The following DCHS2 variants were observed in gnomAD, a reference collection of about 807,000 sequenced individuals.
The protein encoded by DCHS2 is dachsous cadherin-related 2.
A neutral mutation model predicts 182.4 loss-of-function variants in DCHS2; 142 were observed. The observed-to-expected ratio is 0.78, with a 90% CI of 0.68 to 0.89. The LOEUF is 0.89. Among genes scored for constraint, DCHS2 ranks in the 40% least tolerant of loss-of-function variants. The probability of loss-of-function intolerance (pLI) is 0.00; values close to 1 mark genes in which losing one functional copy is unlikely to be tolerated. For synonymous variants in DCHS2, 1,740 were observed against 1,663.3 expected, an observed-to-expected ratio of 1.05 and a Z score of -1.12; for missense variants, 4,319 against 4,198.6, an observed-to-expected ratio of 1.03 and a Z score of -0.79.
intron 1 of DCHS2, among the ~76,000 whole-genome samples, chr4:154,406,591 C>G (rs975538660): frequency 4.6e-5 from 7 of 152,192 alleles, no homozygotes; most frequent in African/African-American, 1.7e-4. Flanking sequence ...AAATCAACCC[C>G]ACCCAAGAAT....
intron 1 of DCHS2, among the ~76,000 whole-genome samples, chr4:154,421,487 G>A (rs766967867): frequency 7.2e-5 from 11 of 151,978 alleles, no homozygotes; most frequent in South Asian, 2.1e-4. Context: ...CTCTGCCTCC[G>A]TGGTTTAAGC....
intron 1 of DCHS2, among the ~76,000 whole-genome samples, chr4:154,388,668 T>TG (rs1731530379): frequency 6.6e-6 from 1 of 151,812 alleles, no homozygotes; most frequent in South Asian, 2.1e-4. Flanking sequence ...CTAATTTTTT[T>TG]TATTTTTAGT....
chr4:154,321,270 G>C, intron 8 of DCHS2, 48 bp from the exon 9 acceptor site: 1 of 1,421,708 alleles, frequency 7.0e-7, no homozygotes, highest in Non-Finnish European at 9.2e-7. Context: ...TTTTAAAACA[G>C]TTTAATGAAT....
chr4:154,268,316 G>A (rs897908563), intron 14 of DCHS2, among the ~76,000 whole-genome samples: 2 of 151,670 alleles, frequency 1.3e-5, no homozygotes, highest in East Asian at 1.9e-4. Flanking sequence ...CGTGCTTTGG[G>A]GCCATTATTA....
intron 12 of DCHS2, 147 bp from the exon 13 acceptor site, chr4:154,298,855 G>T (rs1272736344): frequency 5.0e-6 from 6 of 1,204,778 alleles, no homozygotes; most frequent in African/African-American, 4.6e-5. Flanking sequence ...AAATATTGGG[G>T]ATATAACAGT....
intron 13 of DCHS2, among the ~76,000 whole-genome samples, chr4:154,293,686 A>T (rs1024714880): frequency 1.1e-4 from 16 of 152,036 alleles, no homozygotes; most frequent in African/African-American, 3.9e-4. Context: ...CTCCTAACTC[A>T]TTTCTCTCCT....
intron 6 of DCHS2, 26 bp downstream of exon 6, chr4:154,329,497 A>C (rs374374001): frequency 1.2e-4 from 187 of 1,601,196 alleles, no homozygotes; most frequent in Middle Eastern, 1.1e-3. Context: ...GATATTACAA[A>C]TTCATTGCAA....
intron 2 of DCHS2, among the ~76,000 whole-genome samples, chr4:154,368,606 T>A (rs887577287): frequency 6.6e-6 from 1 of 151,546 alleles, no homozygotes; most frequent in Admixed American, 6.6e-5. Flanking sequence ...AACCTGCGCC[T>A]CCCGGGTTCA....
chr4:154,441,830 A>T (rs1367708300), intron 1 of DCHS2, among the ~76,000 whole-genome samples: 1 of 152,142 alleles, frequency 6.6e-6, no homozygotes, highest in Non-Finnish European at 1.5e-5. Flanking sequence ...CATATGACCA[A>T]TAAGCTCTTG....
rs1731234118 is a variant in DCHS2, at chr4:154,232,307, C to A, written c.*2229G>T. The A allele has an allele frequency of 6.6e-6, 1 of 152,090 alleles. No individual in the cohort carries two copies. Among genetic ancestry groups the A allele is most frequent in the Admixed American group, 6.6e-5 (1 of 15,232 alleles). The allele number at this position is 152,090 out of a possible 1,614,324, so 9.4% of individuals were successfully genotyped here. On this transcript the variant is annotated 3_prime_UTR_variant, in exon 20 of 20. Coordinates refer to ENST00000357232, the MANE Select transcript of DCHS2 (RefSeq NM_001358235.2). The stretch of plus-strand genomic sequence containing the variant: ...TAACCAGCGTGTTCACATTTTTAAC[C>A]CCATTCCCACTTGTAGTACTTGTTT...
intron 3 of DCHS2, chr4:154,343,366 G>A: frequency 8.8e-7 from 1 of 1,137,850 alleles, no homozygotes; most frequent in East Asian, 2.9e-5. Flanking sequence ...TCTGAAGCCA[G>A]GCATTGACTT....
At chr4:154,436,765 G>T (rs1006206381) in intron 1 of DCHS2, among the ~76,000 whole-genome samples, 1 of 152,130 alleles carries the variant, frequency 6.6e-6, no homozygotes, top group African/African-American at 2.4e-5. Flanking sequence ...AGCCACACTT[G>T]GTTACTAAGT....
In DCHS2 at chr4:154,236,959, C is replaced by T; in HGVS notation, c.7693G>A (p.Gly2565Arg). 6.2e-7 allele frequency: 1 copy of T among 1,613,986 alleles called. No individual in the cohort carries two copies. Among genetic ancestry groups the T allele is most frequent in the East Asian group, 2.2e-5 (1 of 44,862 alleles). Residue 2565 changes from glycine (G) to arginine (R), a missense_variant, in exon 20 of 20, where the codon GGA becomes AGA. By Grantham distance (125) the Gly-to-Arg change is moderately radical (BLOSUM62 -2). Coordinates refer to ENST00000357232, the MANE Select transcript of DCHS2 (RefSeq NM_001358235.2). ...NLSLSEDALV[G>R]STLVTFSNID... is the part of the protein sequence containing the mutation. ...TTTGAAAATGTAACAAGCGTGCTTC[C>T]AACCAGAGCATCCTCACTTAGGCTA...
chr4:154,258,876 G>A (rs1041397651), intron 15 of DCHS2, among the ~76,000 whole-genome samples: 2 of 152,158 alleles, frequency 1.3e-5, no homozygotes, highest in African/African-American at 4.8e-5. Context: ...ACTTTGCCTG[G>A]AAGTTGGATT....
intron 3 of DCHS2, among the ~76,000 whole-genome samples, chr4:154,351,911 G>T (rs1729634898): frequency 6.6e-6 from 1 of 152,068 alleles, no homozygotes; most frequent in African/African-American, 2.4e-5. Flanking sequence ...GGGAACCCCT[G>T]CCCTATGAAG....
At chr4:154,251,661 G>A (rs1190344581) in intron 16 of DCHS2, among the ~76,000 whole-genome samples, 2 of 152,136 alleles carry the variant, frequency 1.3e-5, no homozygotes, top group East Asian at 3.9e-4. Flanking sequence ...TGGGATTACA[G>A]GAGCCCGCCA....
At chr4:154,321,733 T>C (rs758372356) in intron 8 of DCHS2, among the ~76,000 whole-genome samples, 5 of 152,216 alleles carry the variant, frequency 3.3e-5, no homozygotes, top group Non-Finnish European at 5.9e-5. Flanking sequence ...TTCTTGTGGA[T>C]ATATATCCTT....
At chr4:154,323,197 T>C in intron 7 of DCHS2, 1 of 1,550,508 alleles carries the variant, frequency 6.4e-7, no homozygotes, top group Non-Finnish European at 8.7e-7. Flanking sequence ...ATTCTTATGT[T>C]TTCCTTAAAT....
chr4:154,276,356 A>G (rs1358956583), intron 13 of DCHS2, among the ~76,000 whole-genome samples: 2 of 152,200 alleles, frequency 1.3e-5, no homozygotes, highest in Non-Finnish European at 2.9e-5. Flanking sequence ...ACAAAAATAG[A>G]GTTAAAAAAC....
Sources: gnomAD v4.1 joint callset for allele counts (sites outside exome capture counted in the v4.1 genomes callset) on GRCh38, gnomAD v4.1.1 for gene constraint, MANE v1.5 for transcripts, NCBI Gene and HGNC (gene_info 2026-07-23, HGNC 2026-07-21) for gene names.